The following IQSEC1 variants were observed in gnomAD, a reference collection of about 807,000 sequenced individuals.
The protein encoded by IQSEC1 is IQ motif and SEC7 domain-containing protein 1.
IQSEC1 carries 31 observed loss-of-function variants against 91.0 expected under a neutral mutation model. The ratio of observed to expected loss-of-function variants is 0.34; its 90% CI spans 0.26 to 0.46. The LOEUF is 0.46. Ranked by LOEUF, IQSEC1 falls within the 20% of genes least tolerant of loss-of-function variation. IQSEC1 has a pLI of 1.00. For missense variants in IQSEC1, 1,388 were observed against 1,575.6 expected, an observed-to-expected ratio of 0.88 and a Z score of 2.02; for synonymous variants, 699 against 662.6, an observed-to-expected ratio of 1.05 and a Z score of -0.84.
At chr3:13,202,501 C>T (rs1328421917) in intron 1 of IQSEC1, among the ~76,000 whole-genome samples, 3 of 152,078 alleles carry the variant, frequency 2.0e-5, no homozygotes, top group Admixed American at 6.5e-5. Flanking sequence ...ACCTTGAGGA[C>T]GTTACTCTAG....
intron 1 of IQSEC1, among the ~76,000 whole-genome samples, chr3:13,028,293 G>A (rs914492507): frequency 3.9e-5 from 6 of 152,200 alleles, no homozygotes; most frequent in Non-Finnish European, 7.3e-5. Context: ...CCCAGATAAG[G>A]GACATGACCT....
intron 1 of IQSEC1, among the ~76,000 whole-genome samples, chr3:13,046,845 T>C (rs1704514334): frequency 6.6e-6 from 1 of 152,154 alleles, no homozygotes; most frequent in African/African-American, 2.4e-5. Context: ...CTAAGCCACC[T>C]CCACTGCCAG....
At chr3:13,056,812 T>G (rs184947997) in intron 1 of IQSEC1, among the ~76,000 whole-genome samples, 134 of 152,238 alleles carry the variant, frequency 8.8e-4, no homozygotes, top group African/African-American at 3.1e-3. Context: ...CCTAGCAACT[T>G]ACATATTTTA....
intron 2 of IQSEC1, among the ~76,000 whole-genome samples, chr3:13,130,236 C>A (rs540749819): frequency 3.3e-4 from 49 of 149,226 alleles, no homozygotes; most frequent in Non-Finnish European, 6.6e-4. Flanking sequence ...CCCAGCTACT[C>A]GGAAGGCTAA....
At chr3:13,276,315 CCTGACCT>C (rs1219880968) in intron 1 of IQSEC1, among the ~76,000 whole-genome samples, 2 of 152,020 alleles carry the variant, frequency 1.3e-5, no homozygotes, top group Non-Finnish European at 2.9e-5. Flanking sequence ...GTCTCAATCT[CCTGACCT>C]CGTGATCCGC....
At chr3:12,977,943 T>C (rs984473694) in intron 1 of IQSEC1, among the ~76,000 whole-genome samples, 1 of 152,242 alleles carries the variant, frequency 6.6e-6, no homozygotes, top group Non-Finnish European at 1.5e-5. Flanking sequence ...TCATTGAGAA[T>C]GTGTGCATTC....
rs574394121 is a variant in IQSEC1 at position 13,235,388 on chromosome 3, C to A, written c.272+47323G>T. On this transcript the variant is annotated intron_variant, in intron 1 of 15. Coordinates refer to the IQSEC1 transcript ENST00000648114. ...ACTGCTGCTGGCCCCGGGGGACCTG[C>A]AGGCACCTGCATCCTTGGGCTCAAA... 5.3e-5 allele frequency among the ~76,000 whole-genome samples: 8 copies of A among 152,334 alleles called. No homozygotes were observed. The East Asian group carries it at 1.5e-3, about 29-fold the overall frequency.
Position 12,967,391 on chromosome 3 carries a change from T to C in IQSEC1, c.24-25526A>G. 1.3e-6 allele frequency: 2 copies of C among 1,534,924 alleles called. No individual in the cohort carries two copies. Among genetic ancestry groups the C allele is most frequent in the South Asian group, 1.2e-5 (1 of 83,246 alleles). On this transcript the variant is annotated intron_variant, in intron 1 of 13. Coordinates refer to ENST00000613206, the MANE Select transcript of IQSEC1 (RefSeq NM_001134382.3). The surrounding 1 kb of genome is among the most constrained non-coding windows in gnomAD (Gnocchi z 5.9). The stretch of plus-strand genomic sequence containing the variant: ...CGCCCCGCGCCGCGCCCTCACCCGC[T>C]GTCAAGCTCTAGCTCCAGAAGGGAC...
In IQSEC1 at chr3:12,992,983, C is replaced by T. The variant is rs988058431; in HGVS notation, c.24-51118G>A. ...CAGGTGGTTTTGTAGCGGGAGGTTGCGGTGGGGGCGGGGGTCCCACACTCT... is the reference window on the plus strand; with the variant it reads ...CAGGTGGTTTTGTAGCGGGAGGTTGTGGTGGGGGCGGGGGTCCCACACTCT... On this transcript the variant is annotated intron_variant, in intron 1 of 13. Transcript: ENST00000613206. This position sits in a 1 kb window ranked among gnomAD's most constrained non-coding sequence, Gnocchi z 4.1. Among the ~76,000 whole-genome samples the T allele has an allele frequency of 6.6e-6, 1 of 152,042 alleles. No homozygotes were observed. Among genetic ancestry groups the T allele is most frequent in the Admixed American group, 6.5e-5 (1 of 15,282 alleles).
chr3:13,116,681 G>A (rs1309924015), intron 2 of IQSEC1, among the ~76,000 whole-genome samples: 3 of 152,086 alleles, frequency 2.0e-5, no homozygotes, highest in Admixed American at 6.5e-5. Context: ...TGGGTGGATC[G>A]TTTGAGATCA....
chr3:13,012,964 C>CTTTTTTTTTTTT (rs35541458), intron 1 of IQSEC1, among the ~76,000 whole-genome samples: 3,919 of 97,236 alleles, frequency 0.04, 613 homozygotes, highest in South Asian at 0.083. Flanking sequence ...AAAGTCTGGG[C>CTTTTTTTTTTTT]TTTTTTTTTT....
At chr3:13,265,287 C>T (rs773326744) in intron 1 of IQSEC1, among the ~76,000 whole-genome samples, 48 of 148,188 alleles carry the variant, frequency 3.2e-4, no homozygotes, top group Non-Finnish European at 2.5e-4. Flanking sequence ...GCCCAGCCCT[C>T]GGCAGAGCCT....
chr3:13,061,182 G>C (rs1228414405), intron 1 of IQSEC1, among the ~76,000 whole-genome samples: 1 of 152,098 alleles, frequency 6.6e-6, no homozygotes. Flanking sequence ...GGCTGGGAAT[G>C]ACCCATATTA....
intron 1 of IQSEC1, among the ~76,000 whole-genome samples, chr3:13,002,636 A>T (rs1016466359): frequency 1.3e-5 from 2 of 152,208 alleles, no homozygotes; most frequent in Non-Finnish European, 2.9e-5. Context: ...ATAACTCATG[A>T]CTCAATAACA....
In IQSEC1 at chr3:12,935,113, G is replaced by A. The variant is rs1216002121; in HGVS notation, c.1568+335C>T. On this transcript the variant is annotated intron_variant, in intron 3 of 13. Transcript: ENST00000613206. This position sits in a 1 kb window ranked among gnomAD's most constrained non-coding sequence, Gnocchi z 8.0. ...CCCTAGGCCTGACATCCAAAGTTGC[G>A]CAGGGCATGGCCCAACATACCCCAC... 2.6e-5 allele frequency among the ~76,000 whole-genome samples: 4 copies of A among 152,152 alleles called. No homozygotes were observed. The highest frequency in any genetic ancestry group is 1.9e-4 in the East Asian group (1 of 5,196).
At chr3:13,023,860 C>T (rs1576181247) in intron 1 of IQSEC1, among the ~76,000 whole-genome samples, 2 of 152,258 alleles carry the variant, frequency 1.3e-5, no homozygotes, top group African/African-American at 2.4e-5. Flanking sequence ...AGACCTCCAC[C>T]TGCCACAGGG....
At chr3:13,145,387 G>C (rs1706872406) in intron 2 of IQSEC1, among the ~76,000 whole-genome samples, 1 of 152,136 alleles carries the variant, frequency 6.6e-6, no homozygotes, top group South Asian at 2.1e-4. Context: ...TCACAGTGTG[G>C]CTGCCCCACT....
intron 2 of IQSEC1, among the ~76,000 whole-genome samples, chr3:13,113,296 T>C (rs1706280890): frequency 1.3e-5 from 2 of 151,930 alleles, no homozygotes; most frequent in South Asian, 4.2e-4. Flanking sequence ...CCAGGGTGGG[T>C]TCAATATGGA....
chr3:12,975,142 G>A (rs1315138306), intron 1 of IQSEC1, among the ~76,000 whole-genome samples: 2 of 152,226 alleles, frequency 1.3e-5, no homozygotes, highest in African/African-American at 4.8e-5. Flanking sequence ...CCAGGCACAC[G>A]GCAGCCCTTC....
Sources: gnomAD v4.1 joint callset for allele counts (sites outside exome capture counted in the v4.1 genomes callset) on GRCh38, gnomAD v4.1.1 for gene constraint, Gnocchi (gnomAD v3.1) non-coding constraint, MANE v1.5 for transcripts, NCBI Gene and HGNC (gene_info 2026-07-23, HGNC 2026-07-21) for gene names.